KNTC1: variants seen among roughly 807,000 people sequenced by gnomAD.
The protein encoded by KNTC1 is kinetochore associated 1, also known as kinetochore-associated protein 1.
In KNTC1, 253 loss-of-function variants were observed where a neutral mutation model predicts 314.4. The observed-to-expected ratio is 0.80, with a 90% CI of 0.73 to 0.89. The LOEUF (loss-of-function observed/expected upper bound fraction) is 0.89, where lower values mean the gene tolerates loss of function less well. Among genes scored for constraint, KNTC1 ranks in the 40% least tolerant of loss-of-function variants. The pLI, the probability that KNTC1 is intolerant of heterozygous loss-of-function variation, is 0.00. For synonymous variants in KNTC1, 901 were observed against 901.4 expected, an observed-to-expected ratio of 1.00 and a Z score of 0.01; for missense variants, 2,475 against 2,572.9, an observed-to-expected ratio of 0.96 and a Z score of 0.82.
chr12:122,532,458 C>T (rs765746037), intron 2 of KNTC1, among the ~76,000 whole-genome samples: 5 of 152,042 alleles, frequency 3.3e-5, no homozygotes, highest in African/African-American at 9.7e-5. Flanking sequence ...CCACCCACCT[C>T]GGCCTCCCAA....
Position 122,590,468 on chromosome 12 carries a change from GT to G in KNTC1, c.4000-130del, listed in dbSNP as rs548281507. 1,577 of 741,502 alleles carry G rather than the reference GT, an allele frequency of 2.1e-3. 21 individuals are homozygous for G. The African/African-American group carries it at 0.023, about 11-fold the overall frequency. The allele number at this position is 741,502 out of a possible 1,614,324, so 45.9% of individuals were successfully genotyped here. On this transcript the variant is annotated intron_variant, in intron 40 of 63. Transcript: ENST00000333479. Reference sequence around the variant, plus strand: ...AATAAACCTTGAGACACTGAATTCTGTTTTTTTTTCTTTAAAAAGTTTTTTT... The same window carrying G: ...AATAAACCTTGAGACACTGAATTCTGTTTTTTTTCTTTAAAAAGTTTTTTT...
chr12:122,621,862 T>C lies in KNTC1; in HGVS notation c.6280-19T>C. ...AATAATAACAATTTTCTATTAATTC[T>C]GCTTTGATTTTTCTCTAGAATTTTC... On this transcript the variant is annotated intron_variant, in intron 60 of 63. Transcript: ENST00000333479. 1 of 1,483,142 alleles carries C rather than the reference T, an allele frequency of 6.7e-7. No homozygotes were observed. Among genetic ancestry groups the C allele is most frequent in the South Asian group, 1.2e-5 (1 of 82,824 alleles). 91.9% of individuals were successfully genotyped at this position (1,483,142 alleles called of 1,614,324 possible). A position where few individuals can be genotyped will look rare whatever the true frequency, so the allele number is the denominator to read the frequency against.
At chr12:122,591,250 GA>G (rs1323510299) in intron 41 of KNTC1, 86 bp from the exon 42 acceptor site, 3 of 774,998 alleles carry the variant, frequency 3.9e-6, no homozygotes. Context: ...ACAAAGTTAT[GA>G]TTTTTATTGT....
At position 122,604,606 on chromosome 12, in the gene KNTC1, C is replaced by T. The variant is rs754945133; in HGVS notation, c.5144C>T (p.Ala1715Val). The change falls in exon 49 of 64, where the codon GCT becomes GTT. Residue 1715 changes from alanine to valine, a missense_variant. Physicochemically the swap from Ala to Val is moderately conservative, Grantham distance 64. Transcript: ENST00000333479. ...GCTTTGAAATTCTGCCTTTATTTAG[C>T]TGAGAGATGGCTACAGAATATCCCA... ...ISALKFCLYLAERWLQNIPSQ... is the reference protein window; with the variant it reads ...ISALKFCLYLVERWLQNIPSQ... 2.5e-6 allele frequency: 4 copies of T among 1,594,714 alleles called. No homozygotes were observed. The highest frequency in any genetic ancestry group is 3.4e-6 in the Non-Finnish European group (4 of 1,163,498).
intron 63 of KNTC1, among the ~76,000 whole-genome samples, chr12:122,625,955 C>T (rs960646867): frequency 6.6e-6 from 1 of 152,118 alleles, no homozygotes; most frequent in African/African-American, 2.4e-5. Context: ...CCATTAATAA[C>T]TTACAGGGCT....
At chr12:122,538,602 G>A (rs1962039782) in intron 4 of KNTC1, 148 bp downstream of exon 4, 1 of 523,046 alleles carries the variant, frequency 1.9e-6, no homozygotes, top group African/African-American at 1.9e-5. Flanking sequence ...TGTTACCACA[G>A]CTTGGATCCT....
At chr12:122,582,473 G>A (rs546816305) in intron 33 of KNTC1, among the ~76,000 whole-genome samples, 1 of 152,182 alleles carries the variant, frequency 6.6e-6, no homozygotes, top group East Asian at 1.9e-4. Context: ...GAGGTGGGGA[G>A]GGGAGGAGGG....
chr12:122,613,840 T>TTTGTTG lies in KNTC1; in HGVS notation c.5877+92_5877+97dup, dbSNP rs377397973. 3.6e-6 allele frequency: 5 copies of TTTGTTG among 1,401,406 alleles called. No homozygotes were observed. The African/African-American group carries it at 4.5e-5, about 12-fold the overall frequency. The allele number at this position is 1,401,406 out of a possible 1,614,324, so 86.8% of individuals were successfully genotyped here. ...GAAAGAGAAAACCAGGAACAGTCTT[T>TTTGTTG]TTGTTGTTGTTGTTGTTGGGGACAG... is the stretch of plus-strand genomic sequence containing the variant. On this transcript the variant is annotated intron_variant, in intron 55 of 63. Transcript: ENST00000333479.
chr12:122,541,620 C>T (rs1479998028), intron 5 of KNTC1, among the ~76,000 whole-genome samples: 1 of 150,480 alleles, frequency 6.6e-6, no homozygotes, highest in African/African-American at 2.4e-5. Context: ...GTTGGCATTA[C>T]AGGCGTGAGC....
intron 8 of KNTC1, among the ~76,000 whole-genome samples, chr12:122,544,911 C>T (rs1962645160): frequency 6.6e-6 from 1 of 152,122 alleles, no homozygotes; most frequent in African/African-American, 2.4e-5. Context: ...TGATGTAATG[C>T]CTGCCTCCTA....
chr12:122,555,500 G>A (rs1963521308), intron 16 of KNTC1, among the ~76,000 whole-genome samples: 1 of 152,098 alleles, frequency 6.6e-6, no homozygotes, highest in Non-Finnish European at 1.5e-5. Flanking sequence ...GCAGTGAGCT[G>A]AGGTTACACT....
chr12:122,571,709 G>T (rs1426637978), intron 24 of KNTC1, among the ~76,000 whole-genome samples: 3 of 151,528 alleles, frequency 2.0e-5, no homozygotes, highest in Non-Finnish European at 2.9e-5. Flanking sequence ...TCACCCTGTT[G>T]CCCAGGCTGG....
chr12:122,613,858 G>A, intron 55 of KNTC1, 97 bp downstream of exon 55: 11 of 1,309,876 alleles, frequency 8.4e-6, no homozygotes, highest in Non-Finnish European at 1.1e-5. Flanking sequence ...TGTTGTTGTT[G>A]GGGACAGAGT....
At chr12:122,546,705 T>C in intron 10 of KNTC1, 31 bp downstream of exon 10, 1 of 1,379,258 alleles carries the variant, frequency 7.3e-7, no homozygotes, top group Non-Finnish European at 1.0e-6. Flanking sequence ...TCAATGTTTT[T>C]ACTTGATATG....
intron 51 of KNTC1, among the ~76,000 whole-genome samples, chr12:122,608,276 T>C (rs1402118036): frequency 1.3e-5 from 2 of 151,944 alleles, no homozygotes; most frequent in African/African-American, 4.8e-5. Context: ...TTTTAAAAAA[T>C]TACCTGTGCC....
At chr12:122,605,473 C>A in intron 51 of KNTC1, 58 bp downstream of exon 51, 1 of 797,368 alleles carries the variant, frequency 1.3e-6, no homozygotes, top group Non-Finnish European at 2.1e-6. Context: ...GGCTTCTTCT[C>A]AAAGGCTAAA....
At chr12:122,587,930 T>G in intron 39 of KNTC1, 56 bp downstream of exon 39, 17 of 1,431,430 alleles carry the variant, frequency 1.2e-5, no homozygotes, top group Non-Finnish European at 1.6e-5. Context: ...GTAAAAGCGC[T>G]AACAGAGGAA....
At chr12:122,567,979 A>G (rs1404915682) in intron 20 of KNTC1, among the ~76,000 whole-genome samples, 3 of 152,184 alleles carry the variant, frequency 2.0e-5, no homozygotes, top group Admixed American at 6.5e-5. Context: ...AATAAAACAA[A>G]CAAGAGTGAA....
At chr12:122,528,208 ACCC>A (rs1471394225) in intron 1 of KNTC1, among the ~76,000 whole-genome samples, 5 of 152,132 alleles carry the variant, frequency 3.3e-5, no homozygotes. Context: ...GGAAATTGAG[ACCC>A]ATAAAGGTAT....
Sources: gnomAD v4.1 joint callset for allele counts (sites outside exome capture counted in the v4.1 genomes callset) on GRCh38, gnomAD v4.1.1 for gene constraint, MANE v1.5 for transcripts, NCBI Gene and HGNC (gene_info 2026-07-23, HGNC 2026-07-21) for gene names.